The following BICRAL variants were observed in gnomAD, a reference collection of about 807,000 sequenced individuals.
BICRAL encodes the protein BICRA like chromatin remodeling complex associated protein.
Under a neutral mutation model 91.8 loss-of-function variants are expected in BICRAL, and 8 were observed. That is an observed-to-expected ratio of 0.09 (90% confidence interval 0.05 to 0.16). The LOEUF is 0.16. Among genes scored for constraint, BICRAL ranks in the 10% least tolerant of loss-of-function variants. The pLI is 1.00. For missense variants in BICRAL, 1,038 were observed against 1,310.9 expected (o/e 0.79, Z 3.21); for synonymous variants, 445 against 491.1 (o/e 0.91, Z 1.24).
intron 1 of BICRAL, among the ~76,000 whole-genome samples, chr6:42,747,800 A>ATTT (rs1190497772): frequency 3.5e-5 from 4 of 112,950 alleles, no homozygotes; most frequent in African/African-American, 1.0e-4. Flanking sequence ...TTTTTGTTTT[A>ATTT]TTTTGTTTTT....
chr6:42,783,018 G>A (rs1290183713), intron 1 of BICRAL, among the ~76,000 whole-genome samples: 3 of 151,788 alleles, frequency 2.0e-5, no homozygotes, highest in Non-Finnish European at 4.4e-5. Flanking sequence ...CGGAGACGGG[G>A]TTTATTTTTC....
In BICRAL at chr6:42,852,132, C is replaced by T; in HGVS notation, c.1880C>T (p.Ala627Val). ...CTGAATCAGACTTCCCCCATTTCTG[C>T]TCCCAAGACCACAGACGGCCTGAGG... is the stretch of plus-strand genomic sequence containing the variant. Reference protein sequence around the residue: ...KCLNQTSPISAPKTTDGLRQA... With the variant: ...KCLNQTSPISVPKTTDGLRQA... Residue 627 changes from alanine (A) to valine (V), a missense_variant, in exon 7 of 13, where the codon GCT (alanine) becomes GTT (valine). Coordinates refer to ENST00000314073, the MANE Select transcript of BICRAL (RefSeq NM_001393499.1). 6.2e-7 allele frequency: 1 copy of T among 1,613,076 alleles called. No homozygotes were observed. The highest frequency in any genetic ancestry group is 8.5e-7 in the Non-Finnish European group (1 of 1,179,134).
chr6:42,785,837 C>CCT (rs776584136), intron 1 of BICRAL, among the ~76,000 whole-genome samples: 62 of 151,584 alleles, frequency 4.1e-4, no homozygotes, highest in East Asian at 3.9e-4. Flanking sequence ...GGGCGGATCA[C>CCT]GAGGTCAGGA....
In BICRAL at chr6:42,855,801, A is replaced by G; in HGVS notation, c.2047-55A>G. 9 of 1,366,940 alleles carry G rather than the reference A, an allele frequency of 6.6e-6. No homozygotes were observed. In the South Asian group the frequency reaches 9.3e-5, roughly 14 times the overall value. 84.7% of individuals were successfully genotyped at this position (1,366,940 alleles called of 1,614,324 possible). On this transcript the variant is annotated intron_variant, in intron 8 of 12. Transcript: ENST00000314073. ...GTGAACTATAGTGACCTTTATGTAT[A>G]ACTGTATTCTTTTTTCTATAAAAGG... is the stretch of plus-strand genomic sequence containing the variant.
intron 6 of BICRAL, among the ~76,000 whole-genome samples, chr6:42,844,508 CAAA>C (rs34115804): frequency 0.029 from 891 of 31,262 alleles, 55 homozygotes; most frequent in Non-Finnish European, 0.05. Flanking sequence ...GACTCCATCT[CAAA>C]AAAAAAAAAA....
chr6:42,818,627 T>TA (rs1764058682), intron 2 of BICRAL, among the ~76,000 whole-genome samples: 1 of 152,148 alleles, frequency 6.6e-6, no homozygotes. Context: ...ATGACATCCT[T>TA]AGACTTTCCT....
At position 42,833,798 on chromosome 6, in the gene BICRAL, C is replaced by T. The variant is rs116160505; in HGVS notation, c.1839+3626C>T. Among the ~76,000 whole-genome samples the T allele has an allele frequency of 7.0e-3, 1,059 of 152,180 alleles. 5 individuals are homozygous for T. The highest frequency in any genetic ancestry group is 0.022 in the African/African-American group (930 of 41,540). ...TTAAAATCTGCAACAGTTCCTCAGT[C>T]GTTCTTTGTCTTTCATGCTATTAAT... On this transcript the variant is annotated intron_variant, in intron 6 of 12. Transcript: ENST00000314073.
chr6:42,834,195 A>C (rs537303459), intron 6 of BICRAL, among the ~76,000 whole-genome samples: 1 of 152,202 alleles, frequency 6.6e-6, no homozygotes, highest in Non-Finnish European at 1.5e-5. Context: ...ATGTTTCCTC[A>C]TGATTAGATT....
intron 6 of BICRAL, among the ~76,000 whole-genome samples, chr6:42,834,950 G>A (rs985273401): frequency 1.3e-5 from 2 of 151,982 alleles, no homozygotes; most frequent in African/African-American, 4.8e-5. Context: ...CATTTCAGTT[G>A]GAAAATATGT....
At chr6:42,818,796 CA>C (rs1464555371) in intron 2 of BICRAL, among the ~76,000 whole-genome samples, 1 of 152,152 alleles carries the variant, frequency 6.6e-6, no homozygotes, top group Non-Finnish European at 1.5e-5. Flanking sequence ...ATATGGTTAA[CA>C]ACTTTTCCCC....
intron 10 of BICRAL, among the ~76,000 whole-genome samples, chr6:42,857,610 A>ATATATAT (rs1315041878): frequency 4.0e-5 from 4 of 100,376 alleles, no homozygotes; most frequent in African/African-American, 3.3e-4. Flanking sequence ...TAAAAAAAAA[A>ATATATAT]AAAAATATAT....
chr6:42,757,404 AC>A (rs1224427654), intron 1 of BICRAL, among the ~76,000 whole-genome samples: 1 of 152,046 alleles, frequency 6.6e-6, no homozygotes, highest in Non-Finnish European at 1.5e-5. Flanking sequence ...GGCGCCTGCC[AC>A]AACGCCCCAG....
At chr6:42,827,923 C>CA (rs1311003704) in intron 5 of BICRAL, among the ~76,000 whole-genome samples, 1 of 151,812 alleles carries the variant, frequency 6.6e-6, no homozygotes, top group East Asian at 1.9e-4. Flanking sequence ...GGCAGTATCT[C>CA]AAAAAAATGA....
chr6:42,779,666 G>A (rs556691695), upstream of BICRAL, among the ~76,000 whole-genome samples: 13 of 152,270 alleles, frequency 8.5e-5, no homozygotes, highest in South Asian at 2.7e-3. Flanking sequence ...AAGATATAGT[G>A]TTTTTCTTTG....
chr6:42,863,669 A>G (rs1765623730), intron 12 of BICRAL, among the ~76,000 whole-genome samples: 1 of 152,194 alleles, frequency 6.6e-6, no homozygotes, highest in South Asian at 2.1e-4. Flanking sequence ...AACCAGGCTG[A>G]CACCAGGAAC....
chr6:42,770,931 C>T (rs772651403), intron 1 of BICRAL, among the ~76,000 whole-genome samples: 1 of 152,148 alleles, frequency 6.6e-6, no homozygotes, highest in Non-Finnish European at 1.5e-5. Context: ...ATCCGCCTGC[C>T]TCGGCCTTAC....
At chr6:42,814,478 C>CGTGT (rs1491362297) in intron 2 of BICRAL, among the ~76,000 whole-genome samples, 5 of 91,276 alleles carry the variant, frequency 5.5e-5, no homozygotes, top group African/African-American at 3.1e-4. Context: ...CATATACATG[C>CGTGT]ATGTGTGTGT....
intron 6 of BICRAL, among the ~76,000 whole-genome samples, chr6:42,836,503 T>C (rs1764640358): frequency 1.3e-5 from 2 of 152,054 alleles, no homozygotes; most frequent in South Asian, 4.1e-4. Context: ...TTTATTAAAA[T>C]TAAGGAACAT....
chr6:42,787,977 CT>C (rs1165640174), intron 1 of BICRAL, among the ~76,000 whole-genome samples: 3 of 151,276 alleles, frequency 2.0e-5, no homozygotes, highest in Non-Finnish European at 4.4e-5. Flanking sequence ...TTACCACAGA[CT>C]CAACCTACTG....
Sources: gnomAD v4.1 joint callset for allele counts (sites outside exome capture counted in the v4.1 genomes callset) on GRCh38, gnomAD v4.1.1 for gene constraint, MANE v1.5 for transcripts, NCBI Gene and HGNC (gene_info 2026-07-23, HGNC 2026-07-21) for gene names.